MRTFA: variants seen among roughly 807,000 people sequenced by gnomAD.
MRTFA encodes the protein myocardin-related transcription factor A.
MRTFA carries 20 observed loss-of-function variants against 83.5 expected under a neutral mutation model. The observed-to-expected ratio is 0.24, with a 90% CI of 0.17 to 0.35. The LOEUF (loss-of-function observed/expected upper bound fraction) is 0.35. MRTFA is among the 10% of genes least tolerant of loss of function. The pLI is 1.00. For missense variants in MRTFA, 1,200 were observed against 1,224.7 expected (o/e 0.98, Z 0.30); for synonymous variants, 659 against 541.2 (o/e 1.22, Z -3.02).
intron 3 of MRTFA, chr22:40,519,567 G>A: frequency 7.4e-7 from 1 of 1,347,572 alleles, no homozygotes; most frequent in African/African-American, 1.5e-5. Flanking sequence ...AAGTGGAGGT[G>A]AAAGGCAATC....
Position 40,552,348 on chromosome 22 carries a change from T to C in MRTFA, c.-2A>G. The C allele has an allele frequency of 2.5e-6, 1 of 399,024 alleles. No homozygotes were observed. The allele number at this position is 399,024 out of a possible 1,614,324, so 24.7% of individuals were successfully genotyped here. A position where few individuals can be genotyped will look rare whatever the true frequency, so the allele number is the denominator to read the frequency against. The stretch of plus-strand genomic sequence containing the variant: ...GCACACCACACTGGAGAAATCCACT[T>C]TGGCTTTCGTGATGGCAATCTGGAA... On this transcript the variant is annotated 5_prime_UTR_variant, in exon 3 of 15. Transcript: ENST00000355630.
chr22:40,631,686 G>C (rs2056643843), intron 1 of MRTFA, among the ~76,000 whole-genome samples: 2 of 152,006 alleles, frequency 1.3e-5, no homozygotes, highest in Non-Finnish European at 2.9e-5. Context: ...TGTCAACACT[G>C]GCCTAAATTA....
chr22:40,618,199 C>T (rs1195947419), intron 1 of MRTFA, among the ~76,000 whole-genome samples: 4 of 151,342 alleles, frequency 2.6e-5, no homozygotes, highest in African/African-American at 9.7e-5. Context: ...CTCAGCCTCC[C>T]GAGTAGCTGG....
intron 2 of MRTFA, chr22:40,586,571 C>T (rs11914182): frequency 6.0e-6 from 1 of 167,680 alleles, no homozygotes; most frequent in Non-Finnish European, 1.3e-5. Flanking sequence ...AGATTACATA[C>T]TAAAGCTCTG....
chr22:40,476,379 C>T (rs1229028414), intron 3 of MRTFA, among the ~76,000 whole-genome samples: 1 of 152,118 alleles, frequency 6.6e-6, no homozygotes, highest in Non-Finnish European at 1.5e-5. Context: ...GTTCTTGAGC[C>T]CTACCCTGTC....
At chr22:40,478,755 G>GT (rs907524385) in intron 3 of MRTFA, among the ~76,000 whole-genome samples, 5 of 152,170 alleles carry the variant, frequency 3.3e-5, no homozygotes, top group African/African-American at 1.2e-4. Context: ...AGGCAAACCA[G>GT]TGTTACAACC....
At chr22:40,445,175 C>G (rs1342384195) in intron 4 of MRTFA, among the ~76,000 whole-genome samples, 1 of 152,178 alleles carries the variant, frequency 6.6e-6, no homozygotes, top group Non-Finnish European at 1.5e-5. Context: ...CTCAATTTTG[C>G]ACTTTTCAAA....
At chr22:40,425,803 TC>T (rs1569257805) in intron 7 of MRTFA, among the ~76,000 whole-genome samples, 1 of 152,174 alleles carries the variant, frequency 6.6e-6, no homozygotes, top group African/African-American at 2.4e-5. Flanking sequence ...AACTGTAGCT[TC>T]CCCCAGATTA....
At chr22:40,586,008 T>C (rs1602463569) in intron 2 of MRTFA, among the ~76,000 whole-genome samples, 1 of 152,186 alleles carries the variant, frequency 6.6e-6, no homozygotes, top group East Asian at 1.9e-4. Flanking sequence ...CATGAAACTT[T>C]TGTTTTAGAT....
intron 6 of MRTFA, 44 bp downstream of exon 6, chr22:40,431,361 G>C (rs774222429): frequency 9.6e-6 from 15 of 1,567,400 alleles, no homozygotes; most frequent in African/African-American, 4.1e-5. Flanking sequence ...AGTACACACA[G>C]TGAGAACTGG....
intron 1 of MRTFA, among the ~76,000 whole-genome samples, chr22:40,630,970 A>T (rs899939866): frequency 6.6e-6 from 1 of 152,190 alleles, no homozygotes; most frequent in African/African-American, 2.4e-5. Flanking sequence ...CTTGTGAAGC[A>T]CATGCTCTTT....
chr22:40,468,149 G>T (rs2053839308), intron 3 of MRTFA, among the ~76,000 whole-genome samples: 1 of 152,144 alleles, frequency 6.6e-6, no homozygotes, highest in Non-Finnish European at 1.5e-5. Context: ...TGCCCTGTAA[G>T]ACCATGGAAG....
intron 12 of MRTFA, chr22:40,417,765 T>G (rs2147064388): frequency 2.2e-6 from 1 of 452,476 alleles, no homozygotes; most frequent in South Asian, 2.7e-5. Flanking sequence ...TTTCTGCAGC[T>G]TCTTTCTCTG....
intron 1 of MRTFA, among the ~76,000 whole-genome samples, chr22:40,631,028 A>C (rs1172760395): frequency 6.6e-6 from 1 of 152,248 alleles, no homozygotes; most frequent in Non-Finnish European, 1.5e-5. Context: ...AGAGCCCAGT[A>C]AATTCAAAGA....
rs531652670 is a variant in MRTFA at position 40,479,646 on chromosome 22, T to C, written c.242-16360A>G. Reference sequence around the variant, plus strand: ...CTCTTGGAGAGAAAGAAATTATCAATTCCTATAAATGATTCCTGTAAATCA... The same window carrying C: ...CTCTTGGAGAGAAAGAAATTATCAACTCCTATAAATGATTCCTGTAAATCA... On this transcript the variant is annotated intron_variant, in intron 3 of 14. Coordinates refer to ENST00000355630, the MANE Select transcript of MRTFA (RefSeq NM_020831.6). Among the ~76,000 whole-genome samples the C allele has an allele frequency of 1.2e-3, 182 of 152,282 alleles. 4 individuals carry two copies. In the South Asian group the frequency reaches 0.016, roughly 14 times the overall value.
chr22:40,562,880 G>C (rs192616259), intron 2 of MRTFA, among the ~76,000 whole-genome samples: 1 of 152,076 alleles, frequency 6.6e-6, no homozygotes, highest in Non-Finnish European at 1.5e-5. Flanking sequence ...AGTTCTCAAC[G>C]AATTGGGTAG....
At chr22:40,435,936 CAAAA>C (rs201938817) in intron 4 of MRTFA, among the ~76,000 whole-genome samples, 1 of 106,740 alleles carries the variant, frequency 9.4e-6, no homozygotes. Flanking sequence ...AACCGTCCCC[CAAAA>C]AAAAAAAAAA....
At chr22:40,558,310 T>C (rs1157789489) in intron 2 of MRTFA, among the ~76,000 whole-genome samples, 1 of 149,154 alleles carries the variant, frequency 6.7e-6, no homozygotes, top group Non-Finnish European at 1.5e-5. Context: ...TTTTGCTATG[T>C]TGCCCAGGCT....
At chr22:40,461,486 C>A (rs1186466076) in intron 4 of MRTFA, among the ~76,000 whole-genome samples, 1 of 151,002 alleles carries the variant, frequency 6.6e-6, no homozygotes, top group African/African-American at 2.4e-5. Context: ...GACCCCATCT[C>A]TTAAAAATTA....
Sources: allele counts gnomAD v4.1 joint callset (sites outside exome capture counted in the v4.1 genomes callset), GRCh38; gene constraint gnomAD v4.1.1; transcripts MANE v1.5; gene names NCBI Gene and HGNC (gene_info 2026-07-23, HGNC 2026-07-21).